TTC19: variants seen among roughly 807,000 people sequenced by gnomAD.
The protein encoded by TTC19 is tetratricopeptide repeat protein 19, mitochondrial.
TTC19 carries 38 observed loss-of-function variants against 49.5 expected under a neutral mutation model. That is an observed-to-expected ratio of 0.77 (90% CI 0.59 to 1.01). The LOEUF (loss-of-function observed/expected upper bound fraction) is 1.01, where lower values mean the gene tolerates loss of function less well. TTC19 is among the 50% of genes least tolerant of loss of function. TTC19 has a pLI of 0.00. For synonymous variants in TTC19, 204 were observed against 185.2 expected (o/e 1.10, Z -0.83); for missense variants, 475 against 477.7 (o/e 0.99, Z 0.05).
At chr17:16,018,918 A>T (rs1282307153) in intron 7 of TTC19, among the ~76,000 whole-genome samples, 1 of 152,096 alleles carries the variant, frequency 6.6e-6, no homozygotes, top group African/African-American at 2.4e-5. Context: ...ATTTTACCAT[A>T]TTTGCTTTAG....
chr17:16,026,504 T>G (rs1168356497), intron 8 of TTC19, 36 bp from the exon 9 acceptor site: 2 of 1,609,446 alleles, frequency 1.2e-6, no homozygotes, highest in Admixed American at 1.7e-5. Flanking sequence ...GAAGGCATGT[T>G]TTTAAAGAAA....
rs1394290095 is a variant in TTC19 at position 16,028,213 on chromosome 17, C to T, written c.*691C>T. 2.2e-6 allele frequency: 1 copy of T among 453,980 alleles called. No individual in the cohort carries two copies. Among genetic ancestry groups the T allele is most frequent in the South Asian group, 1.6e-5 (1 of 64,478 alleles). The allele number at this position is 453,980 out of a possible 1,614,324, so 28.1% of individuals were successfully genotyped here. ...AAACTAAAAACTAAGAATGATGTAA[C>T]CTTTTGTCTGTGTTATCTGAACACT... is the stretch of plus-strand genomic sequence containing the variant. On this transcript the variant is annotated 3_prime_UTR_variant, in exon 10 of 10. Transcript: ENST00000261647.
At chr17:16,033,273 T>G (rs572309601), downstream of TTC19, among the ~76,000 whole-genome samples, 4 of 145,290 alleles carry the variant, frequency 2.8e-5, no homozygotes, top group African/African-American at 1.1e-4. Flanking sequence ...AGGCGGAGGT[T>G]GCTGTGAGCC....
intron 2 of TTC19, among the ~76,000 whole-genome samples, chr17:16,042,027 C>G (rs2057802426): frequency 1.3e-5 from 2 of 152,170 alleles, no homozygotes; most frequent in Admixed American, 1.3e-4. Context: ...AGCCACCGTG[C>G]CCGGCCAGAA....
intron 3 of TTC19, among the ~76,000 whole-genome samples, chr17:16,002,265 G>C (rs564050483): frequency 2.0e-5 from 3 of 152,084 alleles, no homozygotes; most frequent in African/African-American, 2.4e-5. Flanking sequence ...TGCAGCCTCC[G>C]CCTCATGAGT....
intron 2 of TTC19, chr17:16,039,441 G>C: frequency 6.2e-7 from 1 of 1,613,750 alleles, no homozygotes; most frequent in Non-Finnish European, 8.5e-7. Context: ...ACCTGAATGA[G>C]GTGATGGGTC....
At chr17:16,042,171 A>C (rs2057837562) in intron 2 of TTC19, among the ~76,000 whole-genome samples, 1 of 151,990 alleles carries the variant, frequency 6.6e-6, no homozygotes, top group African/African-American at 2.4e-5. Context: ...AGAGGAGAAA[A>C]GTCCTCAGAA....
chr17:16,002,623 T>G lies in TTC19; in HGVS notation c.424-170T>G, dbSNP rs768007493. The G allele has an allele frequency of 7.5e-6, 5 of 669,832 alleles. No individual in the cohort carries two copies. The East Asian group carries it at 1.3e-4, about 18-fold the overall frequency. 41.5% of individuals were successfully genotyped at this position (669,832 alleles called of 1,614,324 possible). A position where few individuals can be genotyped will look rare whatever the true frequency, so the allele number is the denominator to read the frequency against. On this transcript the variant is annotated intron_variant, in intron 3 of 9. Transcript: ENST00000261647. The stretch of plus-strand genomic sequence containing the variant: ...CAAAGTATGTGCAAGTATTTAATTC[T>G]CACATGATTGCTGTCCTGTGCTTCT...
chr17:16,031,044 A>C, downstream of TTC19: 1 of 194,718 alleles, frequency 5.1e-6, no homozygotes, highest in Non-Finnish European at 1.1e-5. Context: ...AAAAACTTTA[A>C]AATTCAGCAA....
At chr17:16,038,751 T>C (rs1481756144) in intron 2 of TTC19, among the ~76,000 whole-genome samples, 9 of 152,044 alleles carry the variant, frequency 5.9e-5, no homozygotes, top group South Asian at 2.1e-4. Context: ...CTTACGATTA[T>C]TTTATTTTAT....
At chr17:16,001,836 C>A in intron 2 of TTC19, 79 bp from the exon 3 acceptor site, 1 of 916,856 alleles carries the variant, frequency 1.1e-6, no homozygotes. Flanking sequence ...TTGGGATGTA[C>A]AGTTGCATAC....
intron 7 of TTC19, among the ~76,000 whole-genome samples, chr17:16,008,120 A>G (rs1234658759): frequency 1.3e-5 from 2 of 152,126 alleles, no homozygotes; most frequent in Non-Finnish European, 2.9e-5. Context: ...TTTCAGCCCT[A>G]TTCTCTTTTC....
In TTC19 at chr17:16,003,779, A is replaced by G. The variant is rs190739618; in HGVS notation, c.463-52A>G. The G allele has an allele frequency of 7.1e-5, 104 of 1,460,478 alleles. No individual in the cohort carries two copies. In the African/African-American group the frequency reaches 1.4e-3, roughly 19 times the overall value. 90.5% of individuals were successfully genotyped at this position (1,460,478 alleles called of 1,614,324 possible). A position where few individuals can be genotyped will look rare whatever the true frequency, so the allele number is the denominator to read the frequency against. On this transcript the variant is annotated intron_variant, in intron 4 of 9. Transcript: ENST00000261647. ...ACTTAGAATCCAGGGTCATATATAT[A>G]TATATAAAATGGGGCCCAATTAAAA...
At chr17:16,031,614 T>G (rs1387548233), downstream of TTC19, 1 of 220,152 alleles carries the variant, frequency 4.5e-6, no homozygotes, top group African/African-American at 2.3e-5. Context: ...AAAAAAAAAA[T>G]TAAAGCCTGC....
intron 7 of TTC19, among the ~76,000 whole-genome samples, chr17:16,012,528 T>C (rs946088616): frequency 6.6e-6 from 1 of 152,042 alleles, no homozygotes; most frequent in Non-Finnish European, 1.5e-5. Context: ...TGATCCAGCA[T>C]TGCCAGTACC....
intron 2 of TTC19, among the ~76,000 whole-genome samples, chr17:16,041,738 T>C (rs1390508419): frequency 2.7e-5 from 4 of 149,254 alleles, no homozygotes. Flanking sequence ...AATTAATTTA[T>C]TAATTAATTT....
chr17:16,011,924 C>T (rs1971081502), intron 7 of TTC19, among the ~76,000 whole-genome samples: 1 of 152,154 alleles, frequency 6.6e-6, no homozygotes, highest in Non-Finnish European at 1.5e-5. Flanking sequence ...CCTATGTCCT[C>T]CTCCCCAAAA....
At chr17:16,029,476 CATT>C (rs1265023127), downstream of TTC19, 6 of 271,328 alleles carry the variant, frequency 2.2e-5, no homozygotes, top group East Asian at 5.7e-4. Context: ...AAATTAAAAG[CATT>C]ATGAAATTTG....
intron 7 of TTC19, among the ~76,000 whole-genome samples, chr17:16,015,554 G>T (rs935316394): frequency 1.3e-5 from 2 of 151,800 alleles, no homozygotes; most frequent in Non-Finnish European, 2.9e-5. Context: ...TCCTTTCCTT[G>T]AAAGTTTTTA....
Sources: allele counts gnomAD v4.1 joint callset (sites outside exome capture counted in the v4.1 genomes callset), GRCh38; gene constraint gnomAD v4.1.1; transcripts MANE v1.5; gene names NCBI Gene and HGNC (gene_info 2026-07-23, HGNC 2026-07-21).